The following SH3RF3 variants were observed in gnomAD, a reference collection of about 807,000 sequenced individuals.
SH3RF3 encodes the protein E3 ubiquitin-protein ligase SH3RF3.
A neutral mutation model predicts 66.3 loss-of-function variants in SH3RF3; 29 were observed. The observed-to-expected ratio is 0.44, with a 90% confidence interval of 0.33 to 0.60. The LOEUF (loss-of-function observed/expected upper bound fraction) is 0.60. SH3RF3 is among the 20% of genes least tolerant of loss of function. The probability of loss-of-function intolerance (pLI) is 0.04; values close to 1 mark genes in which losing one functional copy is unlikely to be tolerated. For synonymous variants in SH3RF3, 583 were observed against 532.0 expected (o/e 1.10, Z -1.32); for missense variants, 1,194 against 1,190.9 (o/e 1.00, Z -0.04).
intron 8 of SH3RF3, among the ~76,000 whole-genome samples, chr2:109,484,170 G>A (rs1033739426): frequency 3.3e-5 from 5 of 151,200 alleles, no homozygotes; most frequent in Non-Finnish European, 5.9e-5. Context: ...GGGTTCAAGC[G>A]ATTCTCCTGC....
chr2:109,300,858 G>A (rs1415215164), intron 1 of SH3RF3, among the ~76,000 whole-genome samples: 2 of 152,156 alleles, frequency 1.3e-5, no homozygotes, highest in Admixed American at 6.5e-5. Context: ...AAATCAGAAC[G>A]ACTTAAAAAG....
chr2:109,170,195 G>A (rs907927910), intron 1 of SH3RF3, among the ~76,000 whole-genome samples: 3 of 151,920 alleles, frequency 2.0e-5, no homozygotes, highest in African/African-American at 7.3e-5. Context: ...GCAGATGAAC[G>A]AGATGTTTTC....
At chr2:109,196,155 T>G (rs916765521) in intron 1 of SH3RF3, among the ~76,000 whole-genome samples, 6 of 152,202 alleles carry the variant, frequency 3.9e-5, no homozygotes, top group Admixed American at 2.6e-4. Flanking sequence ...CAGGGTCACA[T>G]GGCTGGTTGG....
At chr2:109,413,838 T>A (rs1475684228) in intron 4 of SH3RF3, among the ~76,000 whole-genome samples, 3 of 152,188 alleles carry the variant, frequency 2.0e-5, no homozygotes, top group Non-Finnish European at 4.4e-5. Flanking sequence ...AGTGAGGGCT[T>A]TCCCTGCAGG....
At chr2:109,263,395 A>G (rs543457795) in intron 1 of SH3RF3, among the ~76,000 whole-genome samples, 3 of 152,250 alleles carry the variant, frequency 2.0e-5, no homozygotes, top group Admixed American at 6.5e-5. Flanking sequence ...TTTATTTTTT[A>G]TAGGTAGCTT....
intron 2 of SH3RF3, among the ~76,000 whole-genome samples, chr2:109,371,361 G>T (rs549355353): frequency 6.6e-6 from 1 of 152,256 alleles, no homozygotes; most frequent in African/African-American, 2.4e-5. Context: ...CTGCACTCCA[G>T]CCTGGGTGGC....
rs117787480 is a variant in SH3RF3 at position 109,164,917 on chromosome 2, A to G, written c.573+34804A>G. On this transcript the variant is annotated intron_variant, in intron 1 of 9. Coordinates refer to ENST00000309415, the MANE Select transcript of SH3RF3 (RefSeq NM_001099289.3). ...TATGGATGATGGTCATGACACTACA[A>G]CTGGACCATTGCAAATAAAAATGAC... Among the ~76,000 whole-genome samples the G allele has an allele frequency of 8.0e-3, 1,220 of 152,240 alleles. 12 individuals carry two copies. The highest frequency in any genetic ancestry group is 0.04 in the East Asian group (206 of 5,184).
intron 9 of SH3RF3, among the ~76,000 whole-genome samples, chr2:109,492,737 A>G (rs1261458929): frequency 6.6e-6 from 1 of 152,104 alleles, no homozygotes; most frequent in Non-Finnish European, 1.5e-5. Flanking sequence ...CTCATGGCCC[A>G]CGCCCTGAGC....
intron 3 of SH3RF3, among the ~76,000 whole-genome samples, chr2:109,389,086 G>T (rs1675909993): frequency 6.6e-6 from 1 of 152,222 alleles, no homozygotes; most frequent in African/African-American, 2.4e-5. Flanking sequence ...AAGTTCAGGT[G>T]CCACTCACCA....
intron 2 of SH3RF3, among the ~76,000 whole-genome samples, chr2:109,351,059 A>T (rs1400953016): frequency 6.6e-6 from 1 of 152,232 alleles, no homozygotes; most frequent in South Asian, 2.1e-4. Flanking sequence ...TTTATTTCAG[A>T]AGAGAATGAA....
chr2:109,491,024 G>A, intron 9 of SH3RF3, 88 bp downstream of exon 9: 1 of 1,257,462 alleles, frequency 8.0e-7, no homozygotes, highest in Non-Finnish European at 1.0e-6. Flanking sequence ...GGACACTGTG[G>A]CCTTGCTGGG....
At chr2:109,249,284 C>T (rs969300448) in intron 1 of SH3RF3, among the ~76,000 whole-genome samples, 24 of 152,150 alleles carry the variant, frequency 1.6e-4, no homozygotes, top group African/African-American at 5.8e-4. Flanking sequence ...AAGAAGAGGG[C>T]CTGAGCAGTG....
At chr2:109,175,573 C>T (rs1677897834) in intron 1 of SH3RF3, among the ~76,000 whole-genome samples, 3 of 152,172 alleles carry the variant, frequency 2.0e-5, no homozygotes, top group Admixed American at 1.3e-4. Flanking sequence ...TGCTCAGGTG[C>T]AGGAGCTGCA....
In SH3RF3 at chr2:109,129,870, C is replaced by T; in HGVS notation, c.330C>T (p.Ala110=). The T allele has an allele frequency of 6.6e-7, 1 of 1,524,572 alleles. No homozygotes were observed. The highest frequency in any genetic ancestry group is 8.8e-7 in the Non-Finnish European group (1 of 1,141,080). The allele number at this position is 1,524,572 out of a possible 1,614,324, so 94.4% of individuals were successfully genotyped here. The change falls in exon 1 of 10, where the codon GCC becomes GCT. Residue 110 remains alanine, a synonymous_variant. Coordinates refer to ENST00000309415, the MANE Select transcript of SH3RF3 (RefSeq NM_001099289.3). ...GCTGCGGCGTGGACGAACTGCCCGC[C>T]AACATCTTGCTGGTGCGACTGCTGG... ...LVGCGVDELP[A]NILLVRLLDG...
At chr2:109,265,086 G>T (rs569039916) in intron 1 of SH3RF3, among the ~76,000 whole-genome samples, 28 of 152,304 alleles carry the variant, frequency 1.8e-4, no homozygotes, top group Non-Finnish European at 1.5e-4. Flanking sequence ...TGAGTGGGCT[G>T]CTTAGACTTT....
rs1274565216 is a variant in SH3RF3 at position 109,129,283 on chromosome 2, C to T, written c.-258C>T. On this transcript the variant is annotated 5_prime_UTR_variant, in exon 1 of 10. Transcript: ENST00000309415. ...CGGACTTGCGGCGGGACAGGTGTAG[C>T]CCGCAGCCGCAGGCGCTGCGCTCAG... 5 of 660,634 alleles carry T rather than the reference C, an allele frequency of 7.6e-6. No individual in the cohort carries two copies. The highest frequency in any genetic ancestry group is 2.6e-5 in the Admixed American group (1 of 38,682). 40.9% of individuals were successfully genotyped at this position (660,634 alleles called of 1,614,324 possible).
chr2:109,129,322 C>T lies in SH3RF3; in HGVS notation c.-219C>T, dbSNP rs746638337. 1.1e-4 allele frequency: 80 copies of T among 733,544 alleles called. No individual in the cohort carries two copies. Among genetic ancestry groups the T allele is most frequent in the Non-Finnish European group, 1.6e-4 (71 of 449,148 alleles). 45.4% of individuals were successfully genotyped at this position (733,544 alleles called of 1,614,324 possible). A position where few individuals can be genotyped will look rare whatever the true frequency, so the allele number is the denominator to read the frequency against. On this transcript the variant is annotated 5_prime_UTR_variant, in exon 1 of 10. Transcript: ENST00000309415. ...CGCTGCGCTCAGGACTGGGCGGGCT[C>T]GGCTGGCCGGTCCCCGCCACGCAGG...
At chr2:109,378,865 G>A (rs1559051558) in intron 3 of SH3RF3, among the ~76,000 whole-genome samples, 1 of 152,200 alleles carries the variant, frequency 6.6e-6, no homozygotes, top group Admixed American at 6.5e-5. Flanking sequence ...CCCAGTGCTG[G>A]ATAGTTCCCT....
At chr2:109,478,955 T>C (rs982286994) in intron 8 of SH3RF3, among the ~76,000 whole-genome samples, 16 of 152,156 alleles carry the variant, frequency 1.1e-4, no homozygotes, top group African/African-American at 3.6e-4. Flanking sequence ...GTCCACCATG[T>C]TTAGGCCTTA....
Sources: gnomAD v4.1 joint callset for allele counts (sites outside exome capture counted in the v4.1 genomes callset) on GRCh38, gnomAD v4.1.1 for gene constraint, MANE v1.5 for transcripts, NCBI Gene and HGNC (gene_info 2026-07-23, HGNC 2026-07-21) for gene names.